Variants in CFAP70 observed in about 807,000 individuals in gnomAD.
CFAP70 encodes the protein cilia and flagella associated protein 70, also known as cilia- and flagella-associated protein 70.
In CFAP70, 81 loss-of-function variants were observed where a neutral mutation model predicts 137.6. That is an observed-to-expected ratio of 0.59 (90% CI 0.49 to 0.71). The LOEUF (loss-of-function observed/expected upper bound fraction) is 0.71. CFAP70 is among the 30% of genes least tolerant of loss of function. CFAP70 has a pLI of 0.00. For missense variants in CFAP70, 976 were observed against 1,226.7 expected (o/e 0.80, Z 3.05); for synonymous variants, 382 against 423.6 (o/e 0.90, Z 1.20).
chr10:73,298,981 C>T (rs747884472), exon 14 of CFAP70: 80 of 1,613,928 alleles, frequency 5.0e-5, no homozygotes, highest in Non-Finnish European at 6.7e-5. Flanking sequence ...TTCTGCTCCT[C>T]CAAGGTTTCA....
intron 3 of CFAP70, among the ~76,000 whole-genome samples, chr10:73,349,268 G>A (rs2053989475): frequency 1.3e-5 from 2 of 151,856 alleles, no homozygotes; most frequent in South Asian, 2.1e-4. Context: ...GGGTGGGCGA[G>A]GTGGCTTATG....
At chr10:73,361,971 C>T (rs2055027459), upstream of CFAP70, among the ~76,000 whole-genome samples, 1 of 152,126 alleles carries the variant, frequency 6.6e-6, no homozygotes. Flanking sequence ...CTCACACTTC[C>T]CAATTTCAAA....
intron 19 of CFAP70, among the ~76,000 whole-genome samples, chr10:73,284,939 T>A (rs911072507): frequency 6.6e-6 from 1 of 150,852 alleles, no homozygotes; most frequent in Non-Finnish European, 1.5e-5. Context: ...TTAAAAAATA[T>A]TTTATACTTG....
intron 6 of CFAP70, among the ~76,000 whole-genome samples, chr10:73,338,737 C>A (rs2052951826): frequency 6.6e-6 from 1 of 151,502 alleles, no homozygotes; most frequent in African/African-American, 2.4e-5. Context: ...CCATGTGGAT[C>A]TTTTTTAAAC....
At chr10:73,316,758 A>G (rs2132147275) in intron 9 of CFAP70, among the ~76,000 whole-genome samples, 1 of 152,046 alleles carries the variant, frequency 6.6e-6, no homozygotes, top group South Asian at 2.1e-4. Context: ...AATTAAATCT[A>G]TATGTTAACC....
At chr10:73,304,963 T>C (rs1190531364) in intron 12 of CFAP70, among the ~76,000 whole-genome samples, 2 of 152,234 alleles carry the variant, frequency 1.3e-5, no homozygotes, top group African/African-American at 4.8e-5. Context: ...AAGGCAATTC[T>C]AAATCAGCAG....
intron 8 of CFAP70, among the ~76,000 whole-genome samples, chr10:73,329,356 G>T (rs2051830996): frequency 6.6e-6 from 1 of 152,082 alleles, no homozygotes; most frequent in South Asian, 2.1e-4. Context: ...CGGGGGAGCG[G>T]GGAGGGATAG....
chr10:73,262,096 T>C (rs2133596148), intron 25 of CFAP70, among the ~76,000 whole-genome samples: 1 of 147,516 alleles, frequency 6.8e-6, no homozygotes, highest in South Asian at 2.1e-4. Context: ...ATATATATAA[T>C]ACATATACAG....
At chr10:73,271,233 C>T (rs1048988872) in intron 24 of CFAP70, among the ~76,000 whole-genome samples, 2 of 152,106 alleles carry the variant, frequency 1.3e-5, no homozygotes, top group Non-Finnish European at 2.9e-5. Flanking sequence ...AAACACAGGC[C>T]GGGTGCGGTG....
chr10:73,352,021 T>C (rs1027017168), intron 3 of CFAP70, among the ~76,000 whole-genome samples: 3 of 152,242 alleles, frequency 2.0e-5, no homozygotes, highest in African/African-American at 7.2e-5. Flanking sequence ...GATTCCTTAC[T>C]TGGTTTCCAC....
At chr10:73,316,573 C>T (rs1453792978) in intron 9 of CFAP70, among the ~76,000 whole-genome samples, 3 of 145,632 alleles carry the variant, frequency 2.1e-5, no homozygotes, top group Non-Finnish European at 3.0e-5. Context: ...CATATATGTG[C>T]ATATGTGTAT....
intron 9 of CFAP70, among the ~76,000 whole-genome samples, chr10:73,322,449 C>T (rs563977883): frequency 3.4e-4 from 52 of 151,420 alleles, no homozygotes; most frequent in South Asian, 6.3e-4. Context: ...CAGTGGTGCA[C>T]ATCTGTAGTC....
At chr10:73,353,943 T>C (rs2054476715) in intron 2 of CFAP70, among the ~76,000 whole-genome samples, 2 of 152,368 alleles carry the variant, frequency 1.3e-5, no homozygotes, top group African/African-American at 2.4e-5. Context: ...TGAAGTGCTG[T>C]TATGTTGGAG....
exon 25 of CFAP70, chr10:73,269,618 A>G: frequency 6.2e-7 from 1 of 1,610,846 alleles, no homozygotes; most frequent in Non-Finnish European, 8.5e-7. Context: ...ACTCACTTTC[A>G]GGCAGACCAG....
intron 3 of CFAP70, among the ~76,000 whole-genome samples, chr10:73,349,604 T>G (rs1187222657): frequency 6.6e-6 from 1 of 152,154 alleles, no homozygotes; most frequent in Admixed American, 6.6e-5. Flanking sequence ...CCCCCTATAT[T>G]GCCTACCATA....
intron 12 of CFAP70, among the ~76,000 whole-genome samples, chr10:73,306,215 T>C (rs1197581498): frequency 6.6e-6 from 1 of 152,116 alleles, no homozygotes; most frequent in African/African-American, 2.4e-5. Context: ...CTGACCAGCA[T>C]ACACATTATG....
At chr10:73,286,029 G>C (rs561233885) in intron 19 of CFAP70, among the ~76,000 whole-genome samples, 15 of 152,286 alleles carry the variant, frequency 9.8e-5, no homozygotes, top group African/African-American at 2.9e-4. Flanking sequence ...TCTCAAGGAT[G>C]TGTATGGCAG....
intron 15 of CFAP70, chr10:73,294,706 T>C (rs898435583): frequency 2.6e-4 from 40 of 152,348 alleles, no homozygotes; most frequent in Admixed American, 2.3e-3. Context: ...CTCATCTCCT[T>C]CACTTTCAGT....
intron 12 of CFAP70, among the ~76,000 whole-genome samples, chr10:73,305,229 GTGGAAAA>G (rs1261615620): frequency 5.3e-5 from 8 of 152,216 alleles, no homozygotes; most frequent in Non-Finnish European, 1.0e-4. Flanking sequence ...CCTACACAGG[GTGGAAAA>G]GTATTGTTCA....
Sources: gnomAD v4.1 joint callset for allele counts (sites outside exome capture counted in the v4.1 genomes callset) on GRCh38, gnomAD v4.1.1 for gene constraint, MANE v1.5 for transcripts, NCBI Gene and HGNC (gene_info 2026-07-23, HGNC 2026-07-21) for gene names.